Variants in RAB3GAP2 observed in about 807,000 individuals in gnomAD.
RAB3GAP2 encodes the protein RAB3 GTPase activating non-catalytic protein subunit 2, also known as rab3 GTPase-activating protein non-catalytic subunit.
Under a neutral mutation model 185.3 loss-of-function variants are expected in RAB3GAP2, and 87 were observed. That is an observed-to-expected ratio of 0.47 (90% confidence interval 0.39 to 0.56). The LOEUF (loss-of-function observed/expected upper bound fraction) is 0.56, where lower values mean the gene tolerates loss of function less well. RAB3GAP2 is among the 20% of genes least tolerant of loss of function. The probability of loss-of-function intolerance (pLI) is 0.00; values close to 1 mark genes in which losing one functional copy is unlikely to be tolerated. For synonymous variants in RAB3GAP2, 554 were observed against 576.1 expected (o/e 0.96, Z 0.55); for missense variants, 1,492 against 1,638.2 (o/e 0.91, Z 1.54).
chr1:220,173,325 T>C (rs531766421), intron 21 of RAB3GAP2, among the ~76,000 whole-genome samples: 1 of 152,330 alleles, frequency 6.6e-6, no homozygotes, highest in African/African-American at 2.4e-5. Context: ...GAAGCTGAAA[T>C]TTTTTTAAGA....
chr1:220,246,460 C>T (rs1460020742), intron 1 of RAB3GAP2, among the ~76,000 whole-genome samples: 2 of 131,760 alleles, frequency 1.5e-5, no homozygotes, highest in East Asian at 2.2e-4. Context: ...GCTATAAAGA[C>T]ACATGCACAC....
intron 31 of RAB3GAP2, 152 bp from the exon 32 acceptor site, chr1:220,154,209 T>C: frequency 9.1e-7 from 1 of 1,103,634 alleles, no homozygotes; most frequent in South Asian, 1.7e-5. Flanking sequence ...AACAATTATC[T>C]AGTATATAGT....
At position 220,164,766 on chromosome 1, in the gene RAB3GAP2, A is replaced by G. The variant is rs761067533; in HGVS notation, c.3121T>C (p.Leu1041=). 6.2e-7 allele frequency: 1 copy of G among 1,608,910 alleles called. No individual in the cohort carries two copies. The highest frequency in any genetic ancestry group is 2.2e-5 in the East Asian group (1 of 44,796). The change falls in exon 27 of 35, where the codon TTG becomes CTG. Residue 1041 remains leucine, a synonymous_variant. Transcript: ENST00000358951. ...ARFFVRSIEH[L]KQIFNAHVQN... Reference sequence around the variant, plus strand: ...ACATGTGCATTAAATATTTGCTTCAAGTGTTCTATTGACCTAACAAAAAAA... The same window carrying G: ...ACATGTGCATTAAATATTTGCTTCAGGTGTTCTATTGACCTAACAAAAAAA...
chr1:220,178,066 A>G (rs950360461), intron 21 of RAB3GAP2, among the ~76,000 whole-genome samples: 1 of 152,220 alleles, frequency 6.6e-6, no homozygotes, highest in South Asian at 2.1e-4. Context: ...CAAATAACAT[A>G]TAAGATAGAT....
At chr1:220,203,365 A>G (rs1326011896) in intron 8 of RAB3GAP2, among the ~76,000 whole-genome samples, 4 of 152,242 alleles carry the variant, frequency 2.6e-5, no homozygotes, top group African/African-American at 9.6e-5. Context: ...AGTGAAAAAT[A>G]ATAATAAAGA....
At chr1:220,156,381 C>T (rs946437382) in intron 31 of RAB3GAP2, among the ~76,000 whole-genome samples, 2 of 152,172 alleles carry the variant, frequency 1.3e-5, no homozygotes, top group Non-Finnish European at 2.9e-5. Context: ...ACAGTTTGTC[C>T]TGTCTCTCAA....
intron 1 of RAB3GAP2, among the ~76,000 whole-genome samples, chr1:220,235,253 T>A (rs1659570590): frequency 6.6e-6 from 1 of 152,238 alleles, no homozygotes; most frequent in African/African-American, 2.4e-5. Flanking sequence ...GAAAATTAGC[T>A]TGTTTTTTGG....
At chr1:220,213,233 T>C (rs192127551) in intron 3 of RAB3GAP2, among the ~76,000 whole-genome samples, 1 of 152,266 alleles carries the variant, frequency 6.6e-6, no homozygotes, top group African/African-American at 2.4e-5. Flanking sequence ...ATAAAGTTAT[T>C]AACTCCTATG....
chr1:220,151,556 C>G, intron 34 of RAB3GAP2, 50 bp downstream of exon 34: 1 of 1,587,978 alleles, frequency 6.3e-7, no homozygotes. Context: ...ACCAGGCACT[C>G]AAGAAAACAT....
chr1:220,257,436 C>T (rs764189874), intron 1 of RAB3GAP2, among the ~76,000 whole-genome samples: 1 of 151,834 alleles, frequency 6.6e-6, no homozygotes, highest in Non-Finnish European at 1.5e-5. Context: ...CAAAACCACA[C>T]AACCAGAAGC....
At chr1:220,247,648 T>G (rs1467539031) in intron 1 of RAB3GAP2, among the ~76,000 whole-genome samples, 1 of 152,174 alleles carries the variant, frequency 6.6e-6, no homozygotes, top group East Asian at 1.9e-4. Context: ...TTGGGTACAG[T>G]GTACACTGCT....
At chr1:220,213,734 G>C in intron 3 of RAB3GAP2, 122 bp downstream of exon 3, 4 of 599,522 alleles carry the variant, frequency 6.7e-6, no homozygotes, top group Non-Finnish European at 6.9e-6. Context: ...GGAGGAGTTG[G>C]GGGGGGGGGG....
At chr1:220,221,351 T>G (rs1437818971) in intron 2 of RAB3GAP2, among the ~76,000 whole-genome samples, 1 of 152,190 alleles carries the variant, frequency 6.6e-6, no homozygotes, top group African/African-American at 2.4e-5. Flanking sequence ...GTTAGATGGC[T>G]AAGTATTAAA....
At chr1:220,236,829 A>G (rs1659601407) in intron 1 of RAB3GAP2, among the ~76,000 whole-genome samples, 1 of 152,178 alleles carries the variant, frequency 6.6e-6, no homozygotes, top group South Asian at 2.1e-4. Context: ...GTATTTTTTA[A>G]TTGATCATTG....
At chr1:220,249,330 A>C (rs1404202694) in intron 1 of RAB3GAP2, among the ~76,000 whole-genome samples, 3 of 152,174 alleles carry the variant, frequency 2.0e-5, no homozygotes, top group African/African-American at 7.2e-5. Flanking sequence ...TCTCGGAAGG[A>C]GATGACAAAC....
At chr1:220,156,939 G>A (rs1657868887) in intron 31 of RAB3GAP2, among the ~76,000 whole-genome samples, 1 of 152,094 alleles carries the variant, frequency 6.6e-6, no homozygotes, top group African/African-American at 2.4e-5. Context: ...AGTCCTATAA[G>A]ACACTCAAAG....
chr1:220,267,839 G>T, intron 1 of RAB3GAP2: 2 of 1,161,856 alleles, frequency 1.7e-6, no homozygotes, highest in Non-Finnish European at 2.6e-6. Flanking sequence ...GCTGAGTCAC[G>T]AGAACATGTT....
intron 1 of RAB3GAP2, among the ~76,000 whole-genome samples, chr1:220,234,314 G>C (rs1659554873): frequency 6.6e-6 from 1 of 152,182 alleles, no homozygotes; most frequent in Non-Finnish European, 1.5e-5. Flanking sequence ...GATCCTGATG[G>C]CTTACAGCAG....
intron 24 of RAB3GAP2, 93 bp from the exon 25 acceptor site, chr1:220,167,768 G>A (rs1658097799): frequency 1.5e-6 from 2 of 1,298,002 alleles, no homozygotes; most frequent in African/African-American, 1.5e-5. Context: ...AGAGATCTAA[G>A]TGCCACATTC....
Sources: allele counts gnomAD v4.1 joint callset (sites outside exome capture counted in the v4.1 genomes callset), GRCh38; gene constraint gnomAD v4.1.1; transcripts MANE v1.5; gene names NCBI Gene and HGNC (gene_info 2026-07-23, HGNC 2026-07-21).